The following MTHFD1L variants were observed in gnomAD, a reference collection of about 807,000 sequenced individuals.
MTHFD1L encodes the protein monofunctional C1-tetrahydrofolate synthase, mitochondrial.
Under a neutral mutation model 119.5 loss-of-function variants are expected in MTHFD1L, and 81 were observed. The observed-to-expected ratio is 0.68, with a 90% confidence interval of 0.57 to 0.82. The LOEUF (loss-of-function observed/expected upper bound fraction) is 0.82, where lower values mean the gene tolerates loss of function less well. Ranked by LOEUF, MTHFD1L falls within the 40% of genes least tolerant of loss-of-function variation. MTHFD1L has a pLI of 0.00. For synonymous variants in MTHFD1L, 430 were observed against 475.2 expected (o/e 0.90, Z 1.24); for missense variants, 1,125 against 1,253.4 (o/e 0.90, Z 1.55).
intron 10 of MTHFD1L, among the ~76,000 whole-genome samples, chr6:150,922,635 TC>T (rs1190218729): frequency 1.3e-4 from 14 of 107,230 alleles, no homozygotes; most frequent in Admixed American, 3.7e-4. Context: ...GGCAGTGTTT[TC>T]CCCCCCCACC....
intron 18 of MTHFD1L, among the ~76,000 whole-genome samples, chr6:150,962,254 G>A (rs887166753): frequency 6.6e-6 from 1 of 152,072 alleles, no homozygotes; most frequent in Admixed American, 6.5e-5. Flanking sequence ...CAAAGTGCTG[G>A]GATTGCAGGC....
chr6:151,036,453 A>T (rs1289493765), intron 25 of MTHFD1L, among the ~76,000 whole-genome samples: 4 of 152,174 alleles, frequency 2.6e-5, no homozygotes, highest in Non-Finnish European at 5.9e-5. Flanking sequence ...AAAAACAAGA[A>T]GCTTAAATAG....
Position 150,887,964 on chromosome 6 carries a change from C to A in MTHFD1L, c.763C>A (p.Arg255Ser), listed in dbSNP as rs142599909. The A allele has an allele frequency of 3.7e-6, 6 of 1,602,798 alleles. No individual in the cohort carries two copies. The East Asian group carries it at 1.3e-4, about 36-fold the overall frequency. The change falls in exon 7 of 28, where the codon CGC becomes AGC. Residue 255 changes from arginine (R) to serine (S), a missense_variant. Around this residue, in one of 3 missense-constraint regions of MTHFD1L, gnomAD observed 1,058 missense variants for 1,151.2 expected, o/e 0.92. Transcript: ENST00000367321. ...GACAATGAGCATCCAGTGGAAAACA[C>A]GCCAGCTTCAAAGCAAGGTAAATTT... ...SMTMSIQWKT[R>S]QLQSKLHEAD...
intron 26 of MTHFD1L, among the ~76,000 whole-genome samples, chr6:151,062,337 C>T (rs1790739357): frequency 1.3e-5 from 2 of 152,084 alleles, no homozygotes; most frequent in Admixed American, 1.3e-4. Flanking sequence ...ACTCGGGAGG[C>T]TGAGGTAGGA....
chr6:150,998,615 C>A lies in MTHFD1L; in HGVS notation c.2126-11204C>A, dbSNP rs576726013. 4.7e-4 allele frequency among the ~76,000 whole-genome samples: 71 copies of A among 149,732 alleles called. 1 individual carries two copies. The South Asian group carries it at 7.3e-3, about 15-fold the overall frequency. On this transcript the variant is annotated intron_variant, in intron 20 of 27. Transcript: ENST00000367321. ...ATGCCACCAGTGGAAAATTCCACAC[C>A]TGATCTCGTGTGGCGGGTTGCAGTC...
chr6:151,034,970 T>C (rs186413657), intron 25 of MTHFD1L, among the ~76,000 whole-genome samples: 10 of 138,940 alleles, frequency 7.2e-5, no homozygotes, highest in South Asian at 4.2e-4. Flanking sequence ...TTCCTCTTCC[T>C]TACAGGCCTC....
At chr6:150,907,491 A>T (rs971043843) in intron 8 of MTHFD1L, among the ~76,000 whole-genome samples, 1 of 152,184 alleles carries the variant, frequency 6.6e-6, no homozygotes, top group African/African-American at 2.4e-5. Flanking sequence ...TGTAGCCAGG[A>T]TGGGATGTGA....
At chr6:151,078,946 T>C (rs1339487599) in intron 26 of MTHFD1L, among the ~76,000 whole-genome samples, 1 of 152,108 alleles carries the variant, frequency 6.6e-6, no homozygotes, top group Non-Finnish European at 1.5e-5. Flanking sequence ...ACTAAGTGTT[T>C]TGTTCAGTAG....
At chr6:150,905,988 T>C (rs1369122286) in intron 8 of MTHFD1L, among the ~76,000 whole-genome samples, 2 of 152,218 alleles carry the variant, frequency 1.3e-5, no homozygotes, top group Non-Finnish European at 2.9e-5. Context: ...TGCCCCCTAC[T>C]GGCCTCTAGC....
intron 24 of MTHFD1L, among the ~76,000 whole-genome samples, chr6:151,020,612 G>A (rs2128501400): frequency 6.6e-6 from 1 of 152,304 alleles, no homozygotes; most frequent in Non-Finnish European, 1.5e-5. Context: ...ATAAGGTGTA[G>A]TAGACTAATT....
chr6:150,956,793 A>G (rs1340584872), intron 17 of MTHFD1L, among the ~76,000 whole-genome samples: 2 of 152,196 alleles, frequency 1.3e-5, no homozygotes, highest in East Asian at 1.9e-4. Flanking sequence ...ATAATAACCA[A>G]TCCTTACGCC....
intron 6 of MTHFD1L, among the ~76,000 whole-genome samples, chr6:150,887,358 A>T (rs747824534): frequency 2.0e-5 from 3 of 152,236 alleles, no homozygotes; most frequent in Non-Finnish European, 2.9e-5. Context: ...CAGGAATTGG[A>T]ACCAAAAGGG....
intron 27 of MTHFD1L, chr6:151,099,858 C>T (rs550119240): frequency 3.1e-5 from 50 of 1,591,348 alleles, no homozygotes; most frequent in Non-Finnish European, 4.2e-5. Flanking sequence ...GCAAAGCCAT[C>T]GTGGAAAGAG....
At chr6:150,868,236 C>A (rs1781936571) in intron 1 of MTHFD1L, among the ~76,000 whole-genome samples, 1 of 152,094 alleles carries the variant, frequency 6.6e-6, no homozygotes, top group Admixed American at 6.6e-5. Context: ...ACAGTACTTA[C>A]CTCAAGGGGT....
chr6:150,975,366 G>A (rs1168458982), intron 20 of MTHFD1L, among the ~76,000 whole-genome samples: 2 of 152,194 alleles, frequency 1.3e-5, no homozygotes, highest in Non-Finnish European at 2.9e-5. Context: ...TGCACAGTGG[G>A]AACGGGGTGT....
intron 7 of MTHFD1L, among the ~76,000 whole-genome samples, chr6:150,903,777 A>G (rs1785452986): frequency 6.6e-6 from 1 of 152,190 alleles, no homozygotes; most frequent in Admixed American, 6.5e-5. Context: ...TTTGAAGATG[A>G]TTAATACAGT....
At chr6:150,950,934 G>T (rs1263019134) in intron 16 of MTHFD1L, among the ~76,000 whole-genome samples, 2 of 151,918 alleles carry the variant, frequency 1.3e-5, no homozygotes. Flanking sequence ...CTCCCAAAGT[G>T]CTGGGATTAC....
chr6:151,045,503 T>C (rs1410660481), intron 26 of MTHFD1L, among the ~76,000 whole-genome samples: 2 of 152,212 alleles, frequency 1.3e-5, no homozygotes, highest in African/African-American at 4.8e-5. Context: ...ATGGCCCTCG[T>C]CTCTCCAATG....
At chr6:151,024,712 C>A (rs1045270192) in intron 24 of MTHFD1L, among the ~76,000 whole-genome samples, 6 of 152,248 alleles carry the variant, frequency 3.9e-5, no homozygotes, top group Non-Finnish European at 7.4e-5. Flanking sequence ...GCCTGTAATT[C>A]CAGCTACTCT....
Sources: allele counts gnomAD v4.1 joint callset (sites outside exome capture counted in the v4.1 genomes callset), GRCh38; gene constraint gnomAD v4.1.1; regional missense constraint gnomAD v4.1.1; transcripts MANE v1.5; gene names NCBI Gene and HGNC (gene_info 2026-07-23, HGNC 2026-07-21).